KIF21A: variants seen among roughly 807,000 people sequenced by gnomAD.
KIF21A encodes the protein kinesin family member 21A, also known as kinesin-like protein KIF21A.
Under a neutral mutation model 202.9 loss-of-function variants are expected in KIF21A, and 114 were observed. That is an observed-to-expected ratio of 0.56 (90% CI 0.48 to 0.66). The LOEUF (loss-of-function observed/expected upper bound fraction) is 0.66, where lower values mean the gene tolerates loss of function less well. Ranked by LOEUF, KIF21A falls within the 30% of genes least tolerant of loss-of-function variation. The pLI is 0.00. For missense variants in KIF21A, 1,677 were observed against 1,994.9 expected, an observed-to-expected ratio of 0.84 and a Z score of 3.04; for synonymous variants, 667 against 670.8, an observed-to-expected ratio of 0.99 and a Z score of 0.09.
intron 27 of KIF21A, chr12:39,322,456 G>A (rs2137762419): frequency 2.1e-6 from 1 of 479,108 alleles, no homozygotes; most frequent in East Asian, 3.6e-5. Flanking sequence ...AAAACTTGGA[G>A]ACAAGACAAA....
At chr12:39,357,475 C>G in intron 8 of KIF21A, 38 bp from the exon 9 acceptor site, 1 of 1,541,944 alleles carries the variant, frequency 6.5e-7, no homozygotes, top group Middle Eastern at 1.7e-4. Flanking sequence ...GGTTGAGGAG[C>G]CTTAAAAACA....
chr12:39,303,160 T>C lies in KIF21A; in HGVS notation c.4561-25A>G, dbSNP rs1334520313. On this transcript the variant is annotated intron_variant, in intron 35 of 37. Coordinates refer to ENST00000361418, the MANE Select transcript of KIF21A (RefSeq NM_001173464.2). ...TCTAAAAAGGTAGAAACAAAGCAGT[T>C]ATCCTATTTAACTTGCAAATAAACA... 3.7e-6 allele frequency: 6 copies of C among 1,610,644 alleles called. No individual in the cohort carries two copies. In the African/African-American group the frequency reaches 5.3e-5, roughly 14 times the overall value.
chr12:39,331,588 T>G, intron 22 of KIF21A, 102 bp downstream of exon 22: 1 of 802,398 alleles, frequency 1.2e-6, no homozygotes, highest in Non-Finnish European at 2.2e-6. Context: ...TGAATAATCT[T>G]CTTCCTTATT....
chr12:39,328,619 G>A (rs1946196683), intron 24 of KIF21A, among the ~76,000 whole-genome samples: 1 of 152,198 alleles, frequency 6.6e-6, no homozygotes, highest in Non-Finnish European at 1.5e-5. Flanking sequence ...AACCCTGTGA[G>A]CATGGGGCGC....
At chr12:39,318,620 C>T (rs1180319748) in intron 28 of KIF21A, among the ~76,000 whole-genome samples, 1 of 152,082 alleles carries the variant, frequency 6.6e-6, no homozygotes, top group Non-Finnish European at 1.5e-5. Context: ...CCCAATTATT[C>T]TTGAGAGATT....
chr12:39,427,192 T>G (rs1435038378), intron 1 of KIF21A, among the ~76,000 whole-genome samples: 1 of 152,172 alleles, frequency 6.6e-6, no homozygotes, highest in African/African-American at 2.4e-5. Context: ...TTAAAACACA[T>G]GGAATGGATC....
Position 39,377,252 on chromosome 12 carries a change from T to G in KIF21A, c.45-6991A>C, listed in dbSNP as rs556608478. 3.3e-5 allele frequency among the ~76,000 whole-genome samples: 5 copies of G among 152,284 alleles called. No individual in the cohort carries two copies. The East Asian group carries it at 9.6e-4, about 29-fold the overall frequency. On this transcript the variant is annotated intron_variant, in intron 1 of 37. Transcript: ENST00000361418. ...TACAGGTCTTTTGCCTTTCTTTATC[T>G]CATTTGTTGGTGTTTTGGATGATCA... is the stretch of plus-strand genomic sequence containing the variant.
At chr12:39,345,108 A>G (rs1384722768) in intron 12 of KIF21A, among the ~76,000 whole-genome samples, 2 of 152,152 alleles carry the variant, frequency 1.3e-5, no homozygotes, top group Non-Finnish European at 2.9e-5. Context: ...TCCCTAGGAG[A>G]TCTGTACACA....
At chr12:39,300,257 A>G (rs1401594345) in intron 37 of KIF21A, among the ~76,000 whole-genome samples, 1 of 152,222 alleles carries the variant, frequency 6.6e-6, no homozygotes, top group African/African-American at 2.4e-5. Flanking sequence ...AATGTGGGAT[A>G]TATCCAGTAA....
At chr12:39,342,686 G>A (rs758411820) in intron 12 of KIF21A, among the ~76,000 whole-genome samples, 19 of 152,044 alleles carry the variant, frequency 1.2e-4, no homozygotes, top group Non-Finnish European at 2.1e-4. Flanking sequence ...TAGGCTGCCC[G>A]TACAGCACAA....
chr12:39,376,483 G>C (rs1227193291), intron 1 of KIF21A, among the ~76,000 whole-genome samples: 1 of 152,108 alleles, frequency 6.6e-6, no homozygotes, highest in Non-Finnish European at 1.5e-5. Context: ...TAAAAAGTCT[G>C]TTTAAAGCTG....
chr12:39,310,021 A>C (rs1012820373), intron 32 of KIF21A, among the ~76,000 whole-genome samples: 40 of 151,940 alleles, frequency 2.6e-4, no homozygotes, highest in Admixed American at 1.6e-3. Context: ...TATTTATGAA[A>C]ATTTTTGAAA....
chr12:39,392,889 C>A (rs1033959512), intron 1 of KIF21A, among the ~76,000 whole-genome samples: 2 of 133,152 alleles, frequency 1.5e-5, no homozygotes, highest in Non-Finnish European at 1.6e-5. Context: ...AAGAAAAAGA[C>A]AATAAAATAA....
At chr12:39,385,360 G>C (rs1475526475) in intron 1 of KIF21A, among the ~76,000 whole-genome samples, 1 of 151,978 alleles carries the variant, frequency 6.6e-6, no homozygotes, top group Non-Finnish European at 1.5e-5. Flanking sequence ...TTCATCACTG[G>C]ATGCTAATGG....
At chr12:39,408,330 T>G (rs1360847778) in intron 1 of KIF21A, among the ~76,000 whole-genome samples, 1 of 152,018 alleles carries the variant, frequency 6.6e-6, no homozygotes, top group Non-Finnish European at 1.5e-5. Context: ...CTATGATAAT[T>G]TAATGCCACC....
At chr12:39,431,043 G>A (rs1937822901) in intron 1 of KIF21A, among the ~76,000 whole-genome samples, 1 of 152,160 alleles carries the variant, frequency 6.6e-6, no homozygotes, top group South Asian at 2.1e-4. Context: ...AATGGACTGA[G>A]ACACACATGG....
At chr12:39,412,374 T>C (rs1953172698) in intron 1 of KIF21A, among the ~76,000 whole-genome samples, 1 of 152,106 alleles carries the variant, frequency 6.6e-6, no homozygotes, top group Admixed American at 6.5e-5. Flanking sequence ...ACAAACTGAA[T>C]GGTTGTTTAT....
chr12:39,344,176 G>C (rs1306460180), intron 12 of KIF21A, among the ~76,000 whole-genome samples: 1 of 152,082 alleles, frequency 6.6e-6, no homozygotes, highest in Non-Finnish European at 1.5e-5. Context: ...AATTTTATGT[G>C]ATATACTGAA....
intron 1 of KIF21A, among the ~76,000 whole-genome samples, chr12:39,431,351 T>C (rs1027804315): frequency 2.6e-5 from 4 of 152,120 alleles, no homozygotes; most frequent in Non-Finnish European, 5.9e-5. Context: ...CTTTGTCAAG[T>C]GGGTTTGGAT....
Sources: allele counts gnomAD v4.1 joint callset (sites outside exome capture counted in the v4.1 genomes callset), GRCh38; gene constraint gnomAD v4.1.1; transcripts MANE v1.5; gene names NCBI Gene and HGNC (gene_info 2026-07-23, HGNC 2026-07-21).